The following IFT140 variants were observed in gnomAD, a reference collection of about 807,000 sequenced individuals.
IFT140 encodes intraflagellar transport protein 140 homolog.
Under a neutral mutation model 164.6 loss-of-function variants are expected in IFT140, and 133 were observed. That is an observed-to-expected ratio of 0.81 (90% CI 0.70 to 0.93). The LOEUF (loss-of-function observed/expected upper bound fraction) is 0.93, where lower values mean the gene tolerates loss of function less well. Ranked by LOEUF, IFT140 falls within the 40% of genes least tolerant of loss-of-function variation. The probability of loss-of-function intolerance (pLI) is 0.00; values close to 1 mark genes in which losing one functional copy is unlikely to be tolerated. For synonymous variants in IFT140, 860 were observed against 817.3 expected (o/e 1.05, Z -0.89); for missense variants, 2,045 against 1,972.3 (o/e 1.04, Z -0.70).
intron 30 of IFT140, among the ~76,000 whole-genome samples, chr16:1,516,769 C>CAAAAA (rs777538656): frequency 3.8e-5 from 2 of 53,198 alleles, no homozygotes; most frequent in Non-Finnish European, 4.2e-5. Context: ...CACTCTGTCT[C>CAAAAA]AAAAAAAAAA....
Position 1,564,997 on chromosome 16 carries a change from G to A in IFT140, c.1902-835C>T, listed in dbSNP as rs567716776. Among the ~76,000 whole-genome samples, 4 of 152,172 alleles carry A rather than the reference G, an allele frequency of 2.6e-5. No individual in the cohort carries two copies. Among genetic ancestry groups the A allele is most frequent in the Non-Finnish European group, 5.9e-5 (4 of 68,036 alleles). ...GGCGGCTCTGAGGCCCAGAGAGCCC[G>A]GGGACACAAGCTGGTTCCCGTGAGG... is the stretch of plus-strand genomic sequence containing the variant. On this transcript the variant is annotated intron_variant, in intron 16 of 30. Coordinates refer to ENST00000426508, the MANE Select transcript of IFT140 (RefSeq NM_014714.4). This position sits in a 1 kb window ranked among gnomAD's most constrained non-coding sequence, Gnocchi z 5.5.
In IFT140 at chr16:1,553,404, T is replaced by G; in HGVS notation, c.2399+4531A>C. The G allele has an allele frequency of 1.0e-6, 1 of 985,384 alleles. No homozygotes were observed. Among genetic ancestry groups the G allele is most frequent in the Non-Finnish European group, 1.2e-6 (1 of 829,916 alleles). The allele number at this position is 985,384 out of a possible 1,614,324, so 61.0% of individuals were successfully genotyped here. A position where few individuals can be genotyped will look rare whatever the true frequency, so the allele number is the denominator to read the frequency against. ...GGGCATGATTTGGTTTCCTGGGGAATGCAGGGGAGGCGGTTGGGAGTGGAG... is the reference window on the plus strand; with the variant it reads ...GGGCATGATTTGGTTTCCTGGGGAAGGCAGGGGAGGCGGTTGGGAGTGGAG... On this transcript the variant is annotated intron_variant, in intron 19 of 30. Coordinates refer to ENST00000426508, the MANE Select transcript of IFT140 (RefSeq NM_014714.4). The surrounding 1 kb of genome is among the most constrained non-coding windows in gnomAD (Gnocchi z 4.4).
intron 19 of IFT140, among the ~76,000 whole-genome samples, chr16:1,537,658 G>A (rs1047847598): frequency 6.6e-6 from 1 of 152,180 alleles, no homozygotes; most frequent in South Asian, 2.1e-4. Context: ...TGTCCAGAGG[G>A]GGTCTCAATT....
chr16:1,587,421 G>A (rs2034945444), intron 8 of IFT140, 117 bp from the exon 9 acceptor site: 1 of 678,490 alleles, frequency 1.5e-6, no homozygotes, highest in Non-Finnish European at 2.6e-6. Flanking sequence ...TAGTTCATCA[G>A]ACTCCTGATA....
chr16:1,542,887 ACCTGGCGT>A (rs1472355244), intron 19 of IFT140, among the ~76,000 whole-genome samples: 1 of 152,204 alleles, frequency 6.6e-6, no homozygotes, highest in Non-Finnish European at 1.5e-5. Context: ...TCTTGAGAAG[ACCTGGCGT>A]CATAGAGGGT....
intron 19 of IFT140, among the ~76,000 whole-genome samples, chr16:1,543,115 C>G (rs2141301893): frequency 6.6e-6 from 1 of 152,334 alleles, no homozygotes; most frequent in Admixed American, 6.5e-5. Context: ...CAGCCCGGTG[C>G]CCGCAGAGAC....
chr16:1,563,916 C>CG, intron 17 of IFT140, 81 bp downstream of exon 17: 1 of 1,385,488 alleles, frequency 7.2e-7, no homozygotes, highest in Non-Finnish European at 9.6e-7. Flanking sequence ...CGTGAGCCAC[C>CG]GTGCCCAGCC....
rs1289240149 is a variant in IFT140 at position 1,551,654 on chromosome 16, G to T, written c.2399+6281C>A. On this transcript the variant is annotated intron_variant, in intron 19 of 30. Coordinates refer to ENST00000426508, the MANE Select transcript of IFT140 (RefSeq NM_014714.4). This position sits in a 1 kb window ranked among gnomAD's most constrained non-coding sequence, Gnocchi z 4.0. Reference sequence around the variant, plus strand: ...AACGTCCAGCACATTCCTCACTGTCGAACCCAACTTCAGGACATGCTTGTT... The same window carrying T: ...AACGTCCAGCACATTCCTCACTGTCTAACCCAACTTCAGGACATGCTTGTT... Among the ~76,000 whole-genome samples, 1 of 152,180 alleles carries T rather than the reference G, an allele frequency of 6.6e-6. No individual in the cohort carries two copies. The highest frequency in any genetic ancestry group is 2.4e-5 in the African/African-American group (1 of 41,432).
chr16:1,566,340 G>A (rs747405737), intron 15 of IFT140, 49 bp from the exon 16 acceptor site: 22 of 1,602,548 alleles, frequency 1.4e-5, no homozygotes, highest in Admixed American at 5.0e-5. Context: ...CCAGACCAGC[G>A]GGTTGGTGGG....
chr16:1,542,139 G>GGGGCA, intron 19 of IFT140: 3 of 1,464,876 alleles, frequency 2.0e-6, no homozygotes, highest in Non-Finnish European at 2.7e-6. Flanking sequence ...GGTGCCACAG[G>GGGGCA]AGGGTCCTGA....
At position 1,531,577 on chromosome 16, in the gene IFT140, C is replaced by T. The variant is rs2030497611; in HGVS notation, c.2400-4781G>A. The T allele has an allele frequency of 6.6e-6, 1 of 152,288 alleles. No individual in the cohort carries two copies. The highest frequency in any genetic ancestry group is 2.4e-5 in the African/African-American group (1 of 41,458). The allele number at this position is 152,288 out of a possible 1,614,324, so 9.4% of individuals were successfully genotyped here. A position where few individuals can be genotyped will look rare whatever the true frequency, so the allele number is the denominator to read the frequency against. ...ACTGTGGGGGAAGCCCACCGCCCAGCTGCGAGTCCCCTTACTGGGAGTCAC... is the reference window on the plus strand; with the variant it reads ...ACTGTGGGGGAAGCCCACCGCCCAGTTGCGAGTCCCCTTACTGGGAGTCAC... On this transcript the variant is annotated intron_variant, in intron 19 of 30. Coordinates refer to ENST00000426508, the MANE Select transcript of IFT140 (RefSeq NM_014714.4). The surrounding 1 kb of genome is among the most constrained non-coding windows in gnomAD (Gnocchi z 4.7).
chr16:1,605,355 G>C (rs2036003362), intron 3 of IFT140, among the ~76,000 whole-genome samples: 1 of 152,162 alleles, frequency 6.6e-6, no homozygotes, highest in Non-Finnish European at 1.5e-5. Flanking sequence ...GGTGGCAATA[G>C]GGAGCCTGCA....
intron 19 of IFT140, among the ~76,000 whole-genome samples, chr16:1,529,580 G>A (rs560158762): frequency 6.6e-6 from 1 of 152,338 alleles, no homozygotes; most frequent in East Asian, 1.9e-4. Flanking sequence ...CACAGGGAGA[G>A]GCCTGAGCAC....
chr16:1,551,218 G>A lies in IFT140; in HGVS notation c.2399+6717C>T, dbSNP rs2032606515. On this transcript the variant is annotated intron_variant, in intron 19 of 30. Coordinates refer to ENST00000426508, the MANE Select transcript of IFT140 (RefSeq NM_014714.4). The surrounding 1 kb of genome is among the most constrained non-coding windows in gnomAD (Gnocchi z 4.0). ...GTGGGGCAAGTTCTGGCCCCGGGGA[G>A]CCTGCCCTGTGGCGGGGGAGAGCGG... is the stretch of plus-strand genomic sequence containing the variant. Among the ~76,000 whole-genome samples the A allele has an allele frequency of 6.6e-6, 1 of 152,254 alleles. No individual in the cohort carries two copies. Among genetic ancestry groups the A allele is most frequent in the Non-Finnish European group, 1.5e-5 (1 of 68,048 alleles).
At chr16:1,541,884 C>G in intron 19 of IFT140, 1 of 1,551,204 alleles carries the variant, frequency 6.4e-7, no homozygotes, top group Non-Finnish European at 8.7e-7. Context: ...TGGAGCCCAC[C>G]TGCACTCACC....
At chr16:1,524,152 A>G (rs2040604293) in intron 24 of IFT140, 196 bp from the exon 25 acceptor site, 1 of 718,218 alleles carries the variant, frequency 1.4e-6, no homozygotes, top group Non-Finnish European at 2.2e-6. Flanking sequence ...TCTGGGTTCT[A>G]TTTCACAGAG....
rs12447152 is a variant in IFT140 at position 1,534,691 on chromosome 16, C to A, written c.2400-7895G>T. 7.0e-6 allele frequency: 9 copies of A among 1,281,758 alleles called. No individual in the cohort carries two copies. In the African/African-American group the frequency reaches 1.2e-4, roughly 17 times the overall value. The allele number at this position is 1,281,758 out of a possible 1,614,324, so 79.4% of individuals were successfully genotyped here. A position where few individuals can be genotyped will look rare whatever the true frequency, so the allele number is the denominator to read the frequency against. ...GCCCTGAGCGTGGCCTCTGGGCAGG[C>A]AGGAGGGGGCACTGTGTCTCCCAGG... On this transcript the variant is annotated intron_variant, in intron 19 of 30. Coordinates refer to ENST00000426508, the MANE Select transcript of IFT140 (RefSeq NM_014714.4).
chr16:1,555,213 G>A, intron 19 of IFT140: 2 of 737,560 alleles, frequency 2.7e-6, no homozygotes, highest in Non-Finnish European at 4.3e-6. Context: ...GTCTGTACGT[G>A]TCGTGGGCCA....
At chr16:1,563,127 G>A (rs775859704) in intron 17 of IFT140, among the ~76,000 whole-genome samples, 1 of 151,936 alleles carries the variant, frequency 6.6e-6, no homozygotes, top group African/African-American at 2.4e-5. Flanking sequence ...CCTCCCAACT[G>A]CCTGGGTCAC....
Sources: allele counts gnomAD v4.1 joint callset (sites outside exome capture counted in the v4.1 genomes callset), GRCh38; gene constraint gnomAD v4.1.1; non-coding constraint Gnocchi (gnomAD v3.1); transcripts MANE v1.5; gene names NCBI Gene and HGNC (gene_info 2026-07-23, HGNC 2026-07-21).